The following ACVRL1 variants were observed in gnomAD, a reference collection of about 807,000 sequenced individuals.
ACVRL1 encodes the protein activin A receptor like type 1, also known as activin receptor type-1-like.
A neutral mutation model predicts 51.9 loss-of-function variants in ACVRL1; 20 were observed. The ratio of observed to expected loss-of-function variants is 0.39; its 90% CI spans 0.27 to 0.56. The LOEUF (loss-of-function observed/expected upper bound fraction) is 0.56, where lower values mean the gene tolerates loss of function less well. Among genes scored for constraint, ACVRL1 ranks in the 20% least tolerant of loss-of-function variants. The pLI is 0.67. For missense variants in ACVRL1, 451 were observed against 670.3 expected (o/e 0.67, Z 3.61); for synonymous variants, 288 against 280.9 (o/e 1.03, Z -0.25).
At chr12:51,911,675 T>C (rs1940692770) in intron 1 of ACVRL1, among the ~76,000 whole-genome samples, 1 of 152,198 alleles carries the variant, frequency 6.6e-6, no homozygotes, top group African/African-American at 2.4e-5. Flanking sequence ...CTGGTGCCAG[T>C]GAGTCCTGTC....
chr12:51,918,941 C>T (rs1200741616), intron 8 of ACVRL1, 44 bp from the exon 9 acceptor site: 1 of 1,614,144 alleles, frequency 6.2e-7, no homozygotes, highest in Non-Finnish European at 8.5e-7. Context: ...TATTGGGCCT[C>T]CTTAGAGTCC....
chr12:51,918,990 G>T lies in ACVRL1; in HGVS notation c.1252G>T (p.Val418Leu). The change falls in exon 9 of 10, where the codon GTG becomes TTG. Residue 418 changes from valine (V) to leucine (L), a missense_variant. By Grantham distance (32) the Val-to-Leu change is conservative. This residue lies in a region of ACVRL1 where 259 missense variants were observed against 453.4 expected (regional missense o/e 0.57). Coordinates refer to ENST00000388922, the MANE Select transcript of ACVRL1 (RefSeq NM_000020.3). ...IARRTIVNGI[V>L]EDYRPPFYDV... ...TGTCCATTCTCCATTTCCAGGCATC[G>T]TGGAGGACTATAGACCACCCTTCTA... is the stretch of plus-strand genomic sequence containing the variant. 6.2e-7 allele frequency: 1 copy of T among 1,614,202 alleles called. No individual in the cohort carries two copies. The highest frequency in any genetic ancestry group is 1.7e-5 in the Admixed American group (1 of 60,024).
chr12:51,920,913 T>C lies in ACVRL1; in HGVS notation c.*20T>C. 1 of 1,403,284 alleles carries C rather than the reference T, an allele frequency of 7.1e-7. No homozygotes were observed. The highest frequency in any genetic ancestry group is 9.8e-7 in the Non-Finnish European group (1 of 1,017,664). 86.9% of individuals were successfully genotyped at this position (1,403,284 alleles called of 1,614,324 possible). The stretch of plus-strand genomic sequence containing the variant: ...CAATAGCCCAGGAGCACCTGATTCC[T>C]TTCTGCCTGCAGGGGGCTGGGGGGG... On this transcript the variant is annotated 3_prime_UTR_variant, in exon 10 of 10. Transcript: ENST00000388922.
chr12:51,912,576 A>G (rs1457238184), intron 2 of ACVRL1, 41 bp downstream of exon 2: 7 of 1,528,906 alleles, frequency 4.6e-6, no homozygotes, highest in African/African-American at 1.4e-5. Flanking sequence ...GAACCTGGAT[A>G]CAGAAAGGGC....
chr12:51,921,184 AG>A lies in ACVRL1; in HGVS notation c.*293del, dbSNP rs1940971815. On this transcript the variant is annotated 3_prime_UTR_variant, in exon 10 of 10. Transcript: ENST00000388922. Reference sequence around the variant, plus strand: ...CCACTCCCGGGACAGGATGCAAAAGAGGCTCCAGAGTCAGAGTGCCAAGCCA... The same window carrying A: ...CCACTCCCGGGACAGGATGCAAAAGAGCTCCAGAGTCAGAGTGCCAAGCCA... 2.3e-6 allele frequency: 1 copy of A among 431,078 alleles called. No homozygotes were observed. The highest frequency in any genetic ancestry group is 4.4e-6 in the Non-Finnish European group (1 of 229,822). The allele number at this position is 431,078 out of a possible 1,614,324, so 26.7% of individuals were successfully genotyped here.
Position 51,921,558 on chromosome 12 carries a change from GA to G in ACVRL1, c.*670del. On this transcript the variant is annotated 3_prime_UTR_variant, in exon 10 of 10. Transcript: ENST00000388922. ...GGTGTGGCAGGATCACAGGCCAGTG[GA>G]AAAAGGGCAGGTCAGATGGGCAAGG... 1 of 157,958 alleles carries G rather than the reference GA, an allele frequency of 6.3e-6. No homozygotes were observed. Among genetic ancestry groups the G allele is most frequent in the Non-Finnish European group, 1.4e-5 (1 of 71,146 alleles). The allele number at this position is 157,958 out of a possible 1,614,324, so 9.8% of individuals were successfully genotyped here.
At chr12:51,909,769 T>C (rs1171203587) in intron 1 of ACVRL1, among the ~76,000 whole-genome samples, 4 of 152,210 alleles carry the variant, frequency 2.6e-5, no homozygotes, top group African/African-American at 9.7e-5. Context: ...CGTTGGACTG[T>C]TGTGATGATT....
chr12:51,911,649 C>G (rs1194541623), intron 1 of ACVRL1, among the ~76,000 whole-genome samples: 1 of 152,206 alleles, frequency 6.6e-6, no homozygotes, highest in Non-Finnish European at 1.5e-5. Context: ...GTCTGGAAAC[C>G]TGGGATGTAC....
rs1292893440 is a variant in ACVRL1 at position 51,913,936 on chromosome 12, G to T, written c.526-38G>T. ...AGGATAGAGAAGGGGGCTGTGGCTG[G>T]TTGTGGCAGCCTCTCAGTGGCCTCT... is the stretch of plus-strand genomic sequence containing the variant. On this transcript the variant is annotated intron_variant, in intron 4 of 9. Coordinates refer to ENST00000388922, the MANE Select transcript of ACVRL1 (RefSeq NM_000020.3). 7 of 1,605,504 alleles carry T rather than the reference G, an allele frequency of 4.4e-6. No homozygotes were observed. In the East Asian group the frequency reaches 1.6e-4, roughly 36 times the overall value.
rs1555153131 is a variant in ACVRL1, at chr12:51,915,376, C to A, written c.924C>A (p.Cys308Ter). 6.2e-7 allele frequency: 1 copy of A among 1,614,038 alleles called. No homozygotes were observed. The change falls in exon 7 of 10, where the codon TGC becomes TGA. Residue 308 changes from cysteine to a stop codon, truncating the protein, a stop_gained. Coordinates refer to ENST00000388922, the MANE Select transcript of ACVRL1 (RefSeq NM_000020.3). LOFTEE classifies it high-confidence loss of function. ...TGAGGCTAGCTGTGTCCGCGGCATG[C>A]GGCCTGGCGCACCTGCACGTGGAGA... Reference protein sequence around the residue: ...LALRLAVSAACGLAHLHVEIF... With the variant: ...LALRLAVSAA
chr12:51,922,841 C>T lies in ACVRL1; in HGVS notation c.*1948C>T, dbSNP rs537524540. 2 of 152,614 alleles carry T rather than the reference C, an allele frequency of 1.3e-5. No individual in the cohort carries two copies. The highest frequency in any genetic ancestry group is 2.9e-5 in the Non-Finnish European group (2 of 68,054). The allele number at this position is 152,614 out of a possible 1,614,324, so 9.5% of individuals were successfully genotyped here. ...TCTTATGTGTGTCTTCCACCATCCTCATGGTGGCACTTTTCTAGGCCTGTC... is the reference window on the plus strand; with the variant it reads ...TCTTATGTGTGTCTTCCACCATCCTTATGGTGGCACTTTTCTAGGCCTGTC... On this transcript the variant is annotated 3_prime_UTR_variant, in exon 10 of 10. Transcript: ENST00000388922.
chr12:51,918,797 AAAACAAATGGCAGTCATTAACATT>A (rs1940902138), intron 8 of ACVRL1, among the ~76,000 whole-genome samples, 164 bp from the exon 9 acceptor site: 1 of 152,270 alleles, frequency 6.6e-6, no homozygotes, highest in South Asian at 2.1e-4. Context: ...TGCCATGTGC[AAAACAAATGGCAGTCATTAACATT>A]AGTTAGAAAC....
intron 8 of ACVRL1, 138 bp from the exon 9 acceptor site, chr12:51,918,847 T>C: frequency 8.4e-7 from 1 of 1,191,190 alleles, no homozygotes; most frequent in African/African-American, 1.5e-5. Flanking sequence ...TATTGCATTA[T>C]ACTGTCCCTC....
chr12:51,913,171 C>T lies in ACVRL1; in HGVS notation c.134C>T (p.Thr45Ile), dbSNP rs748772777. Residue 45 changes from threonine to isoleucine, a missense_variant, in exon 3 of 10, where the codon ACC becomes ATC. By Grantham distance (89) the Thr-to-Ile change is moderately conservative. This residue lies in a region of ACVRL1 where 192 missense variants were observed against 216.9 expected (regional missense o/e 0.89). Transcript: ENST00000388922. Reference protein sequence around the residue: ...TCESPHCKGPTCRGAWCTVVL... With the variant: ...TCESPHCKGPICRGAWCTVVL... ...GAGAGCCCACATTGCAAGGGGCCTA[C>T]CTGCCGGGGGGCCTGGTGCACAGTA... 6.2e-7 allele frequency: 1 copy of T among 1,602,466 alleles called. No homozygotes were observed. The highest frequency in any genetic ancestry group is 1.1e-5 in the South Asian group (1 of 89,238).
intron 1 of ACVRL1, among the ~76,000 whole-genome samples, chr12:51,908,672 G>C (rs1434115996): frequency 6.6e-6 from 1 of 152,170 alleles, no homozygotes; most frequent in Non-Finnish European, 1.5e-5. Context: ...TAACATTTCA[G>C]TGCTTACTGT....
intron 6 of ACVRL1, 39 bp downstream of exon 6, chr12:51,914,624 GC>G: frequency 1.3e-6 from 2 of 1,588,266 alleles, no homozygotes; most frequent in Non-Finnish European, 1.7e-6. Context: ...CTGGGGCTTT[GC>G]CCCCCTGCAC....
At chr12:51,911,195 C>T (rs1249079684) in intron 1 of ACVRL1, among the ~76,000 whole-genome samples, 2 of 152,240 alleles carry the variant, frequency 1.3e-5, no homozygotes, top group African/African-American at 4.8e-5. Flanking sequence ...CTTCTTGCTG[C>T]AGCTTTAGCC....
At chr12:51,919,377 G>A (rs1940916927) in intron 9 of ACVRL1, 3 of 485,142 alleles carry the variant, frequency 6.2e-6, no homozygotes, top group African/African-American at 4.2e-5. Context: ...GTGTGTGTGT[G>A]TGTGTGTGTG....
chr12:51,912,597 C>A, intron 2 of ACVRL1, 62 bp downstream of exon 2: 1 of 1,396,930 alleles, frequency 7.2e-7, no homozygotes, highest in East Asian at 2.3e-5. Context: ...TATCTGGGCC[C>A]AGATCAGCTC....
Sources: gnomAD v4.1 joint callset for allele counts (sites outside exome capture counted in the v4.1 genomes callset) on GRCh38, gnomAD v4.1.1 for gene constraint, gnomAD v4.1.1 regional missense constraint, MANE v1.5 for transcripts, NCBI Gene and HGNC (gene_info 2026-07-23, HGNC 2026-07-21) for gene names.